ABCA6: variants seen among roughly 807,000 people sequenced by gnomAD.
ABCA6 encodes ATP-binding cassette sub-family A member 6.
Under a neutral mutation model 191.2 loss-of-function variants are expected in ABCA6, and 164 were observed. That is an observed-to-expected ratio of 0.86 (90% confidence interval 0.76 to 0.98). The LOEUF (loss-of-function observed/expected upper bound fraction) is 0.98. ABCA6 is among the 50% of genes least tolerant of loss of function. The probability of loss-of-function intolerance (pLI) is 0.00; values close to 1 mark genes in which losing one functional copy is unlikely to be tolerated. For synonymous variants in ABCA6, 636 were observed against 647.7 expected, an observed-to-expected ratio of 0.98 and a Z score of 0.27; for missense variants, 1,958 against 1,894.1, an observed-to-expected ratio of 1.03 and a Z score of -0.63.
At chr17:69,139,907 T>A (rs1437355295) in intron 2 of ABCA6, among the ~76,000 whole-genome samples, 1 of 126,964 alleles carries the variant, frequency 7.9e-6, no homozygotes, top group African/African-American at 3.1e-5. Context: ...TGAGAACACA[T>A]GGACACAGGA....
At chr17:69,115,540 T>C (rs2073522412) in intron 11 of ABCA6, 54 bp from the exon 12 acceptor site, 14 of 1,359,624 alleles carry the variant, frequency 1.0e-5, no homozygotes, top group Admixed American at 1.7e-5. Flanking sequence ...CAGAAAGGCA[T>C]TAGACAGGCC....
Position 69,096,372 on chromosome 17 carries a change from A to T in ABCA6, c.3295-19T>A. On this transcript the variant is annotated intron_variant, in intron 24 of 38. Coordinates refer to ENST00000284425, the MANE Select transcript of ABCA6 (RefSeq NM_080284.3). The stretch of plus-strand genomic sequence containing the variant: ...CTATAACCTGAGCATAAAAGAAATA[A>T]TAACATAGTCAAAAAATCAAATATT... 1 of 1,296,188 alleles carries T rather than the reference A, an allele frequency of 7.7e-7. No homozygotes were observed. The highest frequency in any genetic ancestry group is 1.0e-6 in the Non-Finnish European group (1 of 958,644). The allele number at this position is 1,296,188 out of a possible 1,614,324, so 80.3% of individuals were successfully genotyped here. A position where few individuals can be genotyped will look rare whatever the true frequency, so the allele number is the denominator to read the frequency against.
chr17:69,085,635 G>C lies in ABCA6; in HGVS notation c.4019C>G (p.Thr1340Ser). The C allele has an allele frequency of 6.2e-7, 1 of 1,610,988 alleles. No individual in the cohort carries two copies. The highest frequency in any genetic ancestry group is 8.5e-7 in the Non-Finnish European group (1 of 1,178,122). ...CCATTTCCTCACTACCTCTCCAGCA[G>C]TTGGCTTTGTGATCCCAGATATCAT... ...IRMISGITKP[T>S]AGEVELKGCS... Residue 1340 changes from threonine to serine, a missense_variant, in exon 31 of 39, where the codon ACT becomes AGT. Thr to Ser is a moderately conservative substitution (Grantham distance 58). Coordinates refer to ENST00000284425, the MANE Select transcript of ABCA6 (RefSeq NM_080284.3).
rs774603783 is a variant in ABCA6, at chr17:69,100,953, A to T, written c.2875-19T>A. The stretch of plus-strand genomic sequence containing the variant: ...TATAATCCTTAAAACAGAAACAAAT[A>T]AATAATGTTAATGCTAAATTCTTAA... On this transcript the variant is annotated intron_variant, in intron 21 of 38. Coordinates refer to ENST00000284425, the MANE Select transcript of ABCA6 (RefSeq NM_080284.3). The T allele has an allele frequency of 4.5e-6, 7 of 1,554,144 alleles. No individual in the cohort carries two copies. Among genetic ancestry groups the T allele is most frequent in the Non-Finnish European group, 6.1e-6 (7 of 1,142,748 alleles).
At position 69,123,427 on chromosome 17, in the gene ABCA6, CA is replaced by C; in HGVS notation, c.1268-21del. ...CTCCATCTAATTAACCAAGAGGCAA[CA>C]AAATATGATCAGTAATAGTAAAAGA... On this transcript the variant is annotated intron_variant, in intron 9 of 38. Transcript: ENST00000284425. The C allele has an allele frequency of 6.9e-7, 1 of 1,439,756 alleles. No homozygotes were observed. Among genetic ancestry groups the C allele is most frequent in the Non-Finnish European group, 9.3e-7 (1 of 1,077,518 alleles). 89.2% of individuals were successfully genotyped at this position (1,439,756 alleles called of 1,614,324 possible). A position where few individuals can be genotyped will look rare whatever the true frequency, so the allele number is the denominator to read the frequency against.
intron 25 of ABCA6, chr17:69,095,479 T>C (rs936021963): frequency 6.6e-6 from 1 of 152,234 alleles, no homozygotes; most frequent in African/African-American, 2.4e-5. Flanking sequence ...AGTCCCAGAC[T>C]AATTTCTTGT....
At chr17:69,111,089 TATCA>T in intron 16 of ABCA6, 149 bp from the exon 17 acceptor site, 3 of 652,876 alleles carry the variant, frequency 4.6e-6, no homozygotes, top group Non-Finnish European at 7.3e-6. Flanking sequence ...GATAGTAATC[TATCA>T]GTTTGAAAAT....
chr17:69,122,845 G>C (rs2073674717), intron 10 of ABCA6, among the ~76,000 whole-genome samples: 1 of 151,978 alleles, frequency 6.6e-6, no homozygotes, highest in African/African-American at 2.4e-5. Context: ...GCAGTTCAAA[G>C]TGACATTGAC....
chr17:69,121,343 G>A (rs1200144642), intron 10 of ABCA6, among the ~76,000 whole-genome samples: 1 of 152,104 alleles, frequency 6.6e-6, no homozygotes, highest in Non-Finnish European at 1.5e-5. Context: ...CTCAGTGAGT[G>A]TGTACCACCT....
intron 10 of ABCA6, among the ~76,000 whole-genome samples, chr17:69,119,970 C>G (rs2144687294): frequency 6.6e-6 from 1 of 152,038 alleles, no homozygotes; most frequent in Non-Finnish European, 1.5e-5. Flanking sequence ...TATGAATACA[C>G]CCCAAAAAGC....
intron 9 of ABCA6, among the ~76,000 whole-genome samples, chr17:69,124,394 T>G (rs766908147): frequency 2.0e-5 from 3 of 151,920 alleles, no homozygotes; most frequent in Non-Finnish European, 1.5e-5. Flanking sequence ...TTTTTGGTTG[T>G]TTGCAAGATA....
chr17:69,120,463 A>C (rs903685492), intron 10 of ABCA6, among the ~76,000 whole-genome samples: 4 of 152,046 alleles, frequency 2.6e-5, no homozygotes, highest in Non-Finnish European at 5.9e-5. Flanking sequence ...ATTGAATTTC[A>C]TGTACCTATT....
intron 36 of ABCA6, among the ~76,000 whole-genome samples, chr17:69,081,524 T>G (rs921857448): frequency 1.3e-5 from 2 of 152,224 alleles, no homozygotes; most frequent in Non-Finnish European, 2.9e-5. Flanking sequence ...ATGAATGAAT[T>G]TTTTCTTTAT....
intron 16 of ABCA6, chr17:69,111,864 T>A (rs910509880): frequency 9.9e-6 from 2 of 201,540 alleles, no homozygotes; most frequent in African/African-American, 4.7e-5. Context: ...TATTTCAGAA[T>A]TCTATGGATC....
chr17:69,087,489 A>T lies in ABCA6; in HGVS notation c.3699-16T>A, dbSNP rs764431589. ...GGGGGAAATTCTATGGAGAAAATGA[A>T]ATGTGTTACATGTGGTATTCTAGCT... On this transcript the variant is annotated splice_polypyrimidine_tract_variant and intron_variant, in intron 28 of 38. Coordinates refer to ENST00000284425, the MANE Select transcript of ABCA6 (RefSeq NM_080284.3). 2.5e-6 allele frequency: 4 copies of T among 1,613,230 alleles called. No individual in the cohort carries two copies. The East Asian group carries it at 8.9e-5, about 36-fold the overall frequency.
intron 24 of ABCA6, 108 bp from the exon 25 acceptor site, chr17:69,096,461 C>T (rs2073048176): frequency 3.7e-6 from 3 of 810,908 alleles, no homozygotes; most frequent in African/African-American, 3.6e-5. Flanking sequence ...TATAAAACAT[C>T]TTTGGTATCT....
In ABCA6 at chr17:69,114,827, C is replaced by T. The variant is rs753390236; in HGVS notation, c.1717G>A (p.Val573Met). Residue 573 changes from valine to methionine, a missense_variant, in exon 13 of 39, where the codon GTG becomes ATG. Val to Met is a conservative substitution (Grantham distance 21). Transcript: ENST00000284425. The stretch of plus-strand genomic sequence containing the variant: ...GCAAACAGGCTGAGGTTTTCCTTCA[C>T]GGTGAGTATGTCAAATTGAACATTG... Reference protein sequence around the residue: ...QFNVQFDILTVKENLSLFAKI... With the variant: ...QFNVQFDILTMKENLSLFAKI... The T allele has an allele frequency of 7.4e-6, 12 of 1,612,458 alleles. No individual in the cohort carries two copies. Among genetic ancestry groups the T allele is most frequent in the African/African-American group, 2.7e-5 (2 of 74,758 alleles).
chr17:69,113,313 T>G lies in ABCA6; in HGVS notation c.1950A>C (p.Arg650Ser). 1.3e-6 allele frequency: 2 copies of G among 1,594,836 alleles called. No homozygotes were observed. Among genetic ancestry groups the G allele is most frequent in the South Asian group, 1.1e-5 (1 of 87,226 alleles). Residue 650 changes from arginine to serine, a missense_variant, in exon 15 of 39, where the codon AGA (arginine) becomes AGC (serine). By Grantham distance (110) the Arg-to-Ser change is moderately radical. Transcript: ENST00000284425. ...EPTTGLDPFS[R>S]DQVWSLLRER... ...CTCTCAGGAGGCTCCACACTTGATCTCTGGAAAAGGGATCCAATCCAGTAG... is the reference window on the plus strand; with the variant it reads ...CTCTCAGGAGGCTCCACACTTGATCGCTGGAAAAGGGATCCAATCCAGTAG...
At chr17:69,081,183 C>A in intron 36 of ABCA6, 38 bp from the exon 37 acceptor site, 1 of 1,133,116 alleles carries the variant, frequency 8.8e-7, no homozygotes, top group South Asian at 1.4e-5. Context: ...CTCTGAGTTT[C>A]AAGGGGAGAA....
Sources: gnomAD v4.1 joint callset for allele counts (sites outside exome capture counted in the v4.1 genomes callset) on GRCh38, gnomAD v4.1.1 for gene constraint, MANE v1.5 for transcripts, NCBI Gene and HGNC (gene_info 2026-07-23, HGNC 2026-07-21) for gene names.